The following CSPP1 variants were observed in gnomAD, a reference collection of about 807,000 sequenced individuals.
CSPP1 encodes the protein centrosome and spindle pole associated protein 1, also known as centrosome and spindle pole-associated protein 1.
A neutral mutation model predicts 164.4 loss-of-function variants in CSPP1; 126 were observed. The ratio of observed to expected loss-of-function variants is 0.77; its 90% CI spans 0.66 to 0.89. The LOEUF (loss-of-function observed/expected upper bound fraction) is 0.89, where lower values mean the gene tolerates loss of function less well. Among genes scored for constraint, CSPP1 ranks in the 40% least tolerant of loss-of-function variants. The pLI is 0.00. For missense variants in CSPP1, 1,395 were observed against 1,449.8 expected, an observed-to-expected ratio of 0.96 and a Z score of 0.61; for synonymous variants, 472 against 476.7, an observed-to-expected ratio of 0.99 and a Z score of 0.13.
At chr8:67,083,548 A>AAAAAAAAAAAAAAAAATATATAT (rs1332248754) in intron 3 of CSPP1, 1 of 91,482 alleles carries the variant, frequency 1.1e-5, no homozygotes, top group African/African-American at 4.4e-5. Context: ...AAAAAAAAAA[A>AAAAAAAAAAAAAAAAATATATAT]ATATATATAT....
chr8:67,113,921 G>T, intron 11 of CSPP1, 59 bp downstream of exon 11: 1 of 984,464 alleles, frequency 1.0e-6, no homozygotes, highest in Non-Finnish European at 1.6e-6. Flanking sequence ...CTCAAATGTG[G>T]TGGCAGGTGG....
At chr8:67,137,383 CATCT>C in intron 16 of CSPP1, 69 bp from the exon 17 acceptor site, 1 of 1,081,450 alleles carries the variant, frequency 9.2e-7, no homozygotes, top group South Asian at 3.2e-5. Context: ...CAAAAAATAA[CATCT>C]GGTATTACTA....
At chr8:67,104,326 A>ATAT (rs1338159147) in intron 8 of CSPP1, among the ~76,000 whole-genome samples, 1 of 149,880 alleles carries the variant, frequency 6.7e-6, no homozygotes, top group Non-Finnish European at 1.5e-5. Context: ...GTGCAGTGAC[A>ATAT]TATTATAGCT....
At chr8:67,168,561 C>T (rs546457859) in intron 24 of CSPP1, among the ~76,000 whole-genome samples, 2 of 152,172 alleles carry the variant, frequency 1.3e-5, no homozygotes, top group African/African-American at 2.4e-5. Flanking sequence ...GTATTTGTGA[C>T]TCTTAAGTTC....
rs377423199 is a variant in CSPP1, at chr8:67,184,744, T to TATAATAATAATAATAATA, written c.3220+4826_3220+4843dup. ...GTCTAAAAAAATAATAATAAAAAAATATAATAATAATAATAATAATAATAA... is the reference window on the plus strand; with the variant it reads ...GTCTAAAAAAATAATAATAAAAAAATATAATAATAATAATAATAATAATAATAATAATAATAATAATAA... On this transcript the variant is annotated intron_variant, in intron 28 of 30. Transcript: ENST00000678616. Among the ~76,000 whole-genome samples, 823 of 142,506 alleles carry TATAATAATAATAATAATA rather than the reference T, an allele frequency of 5.8e-3. 6 individuals are homozygous for TATAATAATAATAATAATA. The highest frequency in any genetic ancestry group is 0.019 in the African/African-American group (724 of 38,074). The allele number at this position is 142,506 out of a possible 152,430, so 93.5% of individuals were successfully genotyped here.
chr8:67,118,572 C>T (rs916078238), intron 14 of CSPP1, among the ~76,000 whole-genome samples, 171 bp from the exon 15 acceptor site: 1 of 151,956 alleles, frequency 6.6e-6, no homozygotes, highest in Non-Finnish European at 1.5e-5. Context: ...TAAGAAATAA[C>T]GATTGTGTTT....
intron 21 of CSPP1, among the ~76,000 whole-genome samples, chr8:67,159,953 C>CTTTT (rs1554605701): frequency 0.049 from 1,403 of 28,894 alleles, 90 homozygotes; most frequent in Non-Finnish European, 0.062. Flanking sequence ...TTCCTTCCTT[C>CTTTT]CTTCTTTCTT....
intron 6 of CSPP1, 141 bp from the exon 7 acceptor site, chr8:67,095,152 G>A (rs947450824): frequency 4.9e-5 from 23 of 464,790 alleles, no homozygotes; most frequent in South Asian, 3.4e-4. Context: ...ATGTAAAAAC[G>A]TATATATATA....
chr8:67,167,449 C>T lies in CSPP1; in HGVS notation c.2828+2941C>T, dbSNP rs550954851. 2.6e-5 allele frequency among the ~76,000 whole-genome samples: 4 copies of T among 152,066 alleles called. No individual in the cohort carries two copies. In the East Asian group the frequency reaches 5.8e-4, roughly 22 times the overall value. ...GGCTGGCCGGGCGGGGGCTGCCCCC[C>T]ACCTCCCGGATGGGGCGGCTGCTGG... On this transcript the variant is annotated intron_variant, in intron 24 of 30. Transcript: ENST00000678616.
chr8:67,076,209 T>C (rs1807878277), intron 2 of CSPP1, among the ~76,000 whole-genome samples: 1 of 152,210 alleles, frequency 6.6e-6, no homozygotes, highest in African/African-American at 2.4e-5. Flanking sequence ...AATTCTTCTA[T>C]TTTTTAAAAC....
At chr8:67,159,860 C>CTTTCTTTCTT (rs1455638071) in intron 21 of CSPP1, among the ~76,000 whole-genome samples, 1 of 24,628 alleles carries the variant, frequency 4.1e-5, no homozygotes, top group Non-Finnish European at 7.0e-5. Context: ...CTTTTTCTTT[C>CTTTCTTTCTT]TTTCTTTCTT....
At chr8:67,187,773 T>C (rs1195687730) in intron 28 of CSPP1, among the ~76,000 whole-genome samples, 2 of 152,222 alleles carry the variant, frequency 1.3e-5, no homozygotes, top group Non-Finnish European at 1.5e-5. Flanking sequence ...CCAAAGGCAG[T>C]ATTATGATGG....
intron 24 of CSPP1, among the ~76,000 whole-genome samples, chr8:67,167,781 C>A (rs1186982113): frequency 1.3e-5 from 2 of 151,478 alleles, no homozygotes; most frequent in Non-Finnish European, 2.9e-5. Flanking sequence ...AACGGGATGG[C>A]GGCTGGGAAG....
intron 21 of CSPP1, among the ~76,000 whole-genome samples, chr8:67,161,330 A>C (rs2129561637): frequency 6.6e-6 from 1 of 152,312 alleles, no homozygotes. Context: ...ATAAGGTTTA[A>C]TACACTATAA....
intron 29 of CSPP1, 46 bp from the exon 30 acceptor site, chr8:67,193,418 A>T: frequency 6.4e-7 from 1 of 1,569,656 alleles, no homozygotes; most frequent in Non-Finnish European, 8.7e-7. Context: ...ATTTGTGAAC[A>T]TATTTTGTGT....
At chr8:67,150,947 T>C (rs373749962) in intron 18 of CSPP1, among the ~76,000 whole-genome samples, 1 of 152,232 alleles carries the variant, frequency 6.6e-6, no homozygotes, top group Non-Finnish European at 1.5e-5. Context: ...GATTTTAGAT[T>C]AGAAAAGAAC....
intron 24 of CSPP1, among the ~76,000 whole-genome samples, 178 bp from the exon 25 acceptor site, chr8:67,172,238 C>G (rs895168748): frequency 4.6e-5 from 7 of 150,542 alleles, no homozygotes; most frequent in Admixed American, 2.0e-4. Flanking sequence ...TCAAGCAGTC[C>G]TCCTGTCTGC....
At chr8:67,074,822 C>T in intron 2 of CSPP1, 1 of 297,770 alleles carries the variant, frequency 3.4e-6, no homozygotes, top group Middle Eastern at 8.7e-4. Context: ...GCTCTGTTGG[C>T]CAGGCAGGAC....
At chr8:67,103,197 A>G in intron 8 of CSPP1, 62 bp downstream of exon 8, 1 of 962,444 alleles carries the variant, frequency 1.0e-6, no homozygotes, top group Non-Finnish European at 1.6e-6. Context: ...AATGTGCCTA[A>G]AACTGGCTAA....
Sources: allele counts gnomAD v4.1 joint callset (sites outside exome capture counted in the v4.1 genomes callset), GRCh38; gene constraint gnomAD v4.1.1; transcripts MANE v1.5; gene names NCBI Gene and HGNC (gene_info 2026-07-23, HGNC 2026-07-21).